The following FBN1 variants were observed in gnomAD, a reference collection of about 807,000 sequenced individuals.
The protein encoded by FBN1 is fibrillin 1, also known as fibrillin-1.
FBN1 carries 29 observed loss-of-function variants against 365.1 expected under a neutral mutation model. The ratio of observed to expected loss-of-function variants is 0.08; its 90% CI spans 0.06 to 0.11. FBN1 has a LOEUF of 0.11. FBN1 is among the 10% of genes least tolerant of loss of function. The pLI is 1.00. For synonymous variants in FBN1, 1,210 were observed against 1,270.5 expected (o/e 0.95, Z 1.01); for missense variants, 2,476 against 3,703.2 (o/e 0.67, Z 8.60).
chr15:48,484,855 G>T (rs2043492773), intron 30 of FBN1, among the ~76,000 whole-genome samples: 1 of 152,116 alleles, frequency 6.6e-6, no homozygotes, highest in South Asian at 2.1e-4. Flanking sequence ...TCGCAGCCAG[G>T]GTGATACAAA....
intron 11 of FBN1, among the ~76,000 whole-genome samples, chr15:48,515,746 T>C (rs1415988747): frequency 3.9e-5 from 6 of 152,182 alleles, no homozygotes; most frequent in Middle Eastern, 3.2e-3. Flanking sequence ...GCAGCCTGCT[T>C]TTCTCTGCCC....
At chr15:48,446,139 A>G (rs2043156742) in intron 47 of FBN1, among the ~76,000 whole-genome samples, 1 of 152,176 alleles carries the variant, frequency 6.6e-6, no homozygotes, top group Admixed American at 6.6e-5. Flanking sequence ...AGACATAAAA[A>G]TTATAGCTGC....
chr15:48,464,472 T>C (rs1166437336), intron 40 of FBN1, among the ~76,000 whole-genome samples: 1 of 152,060 alleles, frequency 6.6e-6, no homozygotes, highest in African/African-American at 2.4e-5. Context: ...GCCAAGATCA[T>C]GCCATTGCAC....
chr15:48,447,433 C>T (rs1367480514), intron 46 of FBN1, among the ~76,000 whole-genome samples: 1 of 152,184 alleles, frequency 6.6e-6, no homozygotes, highest in African/African-American at 2.4e-5. Context: ...TCTTTTCATA[C>T]ATGCTTGCAT....
intron 23 of FBN1, among the ~76,000 whole-genome samples, chr15:48,493,033 T>C (rs1049306201): frequency 6.6e-6 from 1 of 152,202 alleles, no homozygotes; most frequent in Non-Finnish European, 1.5e-5. Flanking sequence ...TGTGGGCCAG[T>C]GAAGGGTCTC....
rs3743289 is a variant in FBN1 at position 48,495,968 on chromosome 15, A to G, written c.2419+132T>C. On this transcript the variant is annotated intron_variant, in intron 20 of 65. Transcript: ENST00000316623. Reference sequence around the variant, plus strand: ...TACAAAGTACATACTAGTGCCATGTAGAACCACAGAATTTCAACTAAACTG... The same window carrying G: ...TACAAAGTACATACTAGTGCCATGTGGAACCACAGAATTTCAACTAAACTG... The G allele has an allele frequency of 7.3e-4, 857 of 1,174,124 alleles. 24 individuals carry two copies. In the East Asian group the frequency reaches 0.02, roughly 28 times the overall value. 72.7% of individuals were successfully genotyped at this position (1,174,124 alleles called of 1,614,324 possible). A position where few individuals can be genotyped will look rare whatever the true frequency, so the allele number is the denominator to read the frequency against.
chr15:48,467,761 G>A (rs1245498979), intron 38 of FBN1, among the ~76,000 whole-genome samples, 177 bp downstream of exon 38: 1 of 152,062 alleles, frequency 6.6e-6, no homozygotes, highest in Non-Finnish European at 1.5e-5. Context: ...TGATCTTTTA[G>A]TGTGAGCCAA....
At chr15:48,498,868 TG>T in intron 18 of FBN1, 116 bp downstream of exon 18, 1 of 979,178 alleles carries the variant, frequency 1.0e-6, no homozygotes, top group Non-Finnish European at 1.7e-6. Context: ...GGCACAGTGA[TG>T]GCCAGAGAGG....
intron 9 of FBN1, among the ~76,000 whole-genome samples, chr15:48,521,693 A>G (rs1405920757): frequency 6.6e-6 from 1 of 152,246 alleles, no homozygotes; most frequent in Non-Finnish European, 1.5e-5. Context: ...TTGAGATATT[A>G]CCACGAAACA....
At chr15:48,449,977 T>A (rs989602007) in intron 45 of FBN1, among the ~76,000 whole-genome samples, 2 of 152,238 alleles carry the variant, frequency 1.3e-5, no homozygotes, top group African/African-American at 4.8e-5. Flanking sequence ...ATTTAGTAGA[T>A]GAATCATCAT....
chr15:48,599,342 T>C lies in FBN1; in HGVS notation c.442+797A>G, dbSNP rs1181310632. 4.6e-5 allele frequency among the ~76,000 whole-genome samples: 7 copies of C among 152,156 alleles called. No homozygotes were observed. In the South Asian group the frequency reaches 1.4e-3, roughly 31 times the overall value. ...TTAAAATGTATTTTAAAATGTGTAA[T>C]GAGCATACTTTGAATAAAGTATTAA... is the stretch of plus-strand genomic sequence containing the variant. On this transcript the variant is annotated intron_variant, in intron 5 of 65. Coordinates refer to ENST00000316623, the MANE Select transcript of FBN1 (RefSeq NM_000138.5).
At chr15:48,420,864 T>C (rs1160903886) in intron 62 of FBN1, 58 bp from the exon 63 acceptor site, 2 of 1,604,692 alleles carry the variant, frequency 1.2e-6, no homozygotes, top group Non-Finnish European at 1.7e-6. Context: ...TGAAGCCAGA[T>C]GGATTCTAAT....
In FBN1 at chr15:48,516,174, A is replaced by C. The variant is rs2043798660; in HGVS notation, c.1327+9T>G. On this transcript the variant is annotated intron_variant, in intron 11 of 65. Transcript: ENST00000316623. ...AAGAAAAATAACTAGATGATTTTTG[A>C]ATTCTTACTTGGTGGCTCCCGAGAT... is the stretch of plus-strand genomic sequence containing the variant. 1 of 1,612,972 alleles carries C rather than the reference A, an allele frequency of 6.2e-7. No individual in the cohort carries two copies. The highest frequency in any genetic ancestry group is 8.5e-7 in the Non-Finnish European group (1 of 1,179,094).
At chr15:48,466,789 T>C (rs958146351) in intron 38 of FBN1, among the ~76,000 whole-genome samples, 1 of 152,138 alleles carries the variant, frequency 6.6e-6, no homozygotes, top group Non-Finnish European at 1.5e-5. Flanking sequence ...TCGACACCAA[T>C]GAAATGAAAA....
chr15:48,466,003 A>G (rs2043318710), intron 38 of FBN1, 145 bp from the exon 39 acceptor site: 2 of 701,040 alleles, frequency 2.9e-6, no homozygotes, highest in Non-Finnish European at 2.6e-6. Flanking sequence ...GAAGTAAGTT[A>G]ACACCTTTGT....
chr15:48,490,173 A>G, intron 24 of FBN1, 95 bp from the exon 25 acceptor site: 1 of 1,051,428 alleles, frequency 9.5e-7, no homozygotes, highest in South Asian at 1.3e-5. Flanking sequence ...TGCACACATA[A>G]TAATTTGCTG....
intron 49 of FBN1, among the ~76,000 whole-genome samples, chr15:48,443,365 C>G (rs968351540): frequency 5.9e-5 from 9 of 152,168 alleles, no homozygotes; most frequent in African/African-American, 1.7e-4. Context: ...TACATGCCAA[C>G]TTATTAGGAT....
intron 2 of FBN1, among the ~76,000 whole-genome samples, chr15:48,622,507 C>T (rs1182429284): frequency 6.6e-6 from 1 of 152,192 alleles, no homozygotes; most frequent in African/African-American, 2.4e-5. Context: ...AATCCCTTGT[C>T]CAAATCCTGG....
chr15:48,460,085 G>T (rs1359104316), intron 43 of FBN1, among the ~76,000 whole-genome samples, 161 bp downstream of exon 43: 2 of 152,188 alleles, frequency 1.3e-5, no homozygotes, highest in East Asian at 3.8e-4. Context: ...GCTGCACAGG[G>T]TGTTTGCACA....
Sources: allele counts gnomAD v4.1 joint callset (sites outside exome capture counted in the v4.1 genomes callset), GRCh38; gene constraint gnomAD v4.1.1; transcripts MANE v1.5; gene names NCBI Gene and HGNC (gene_info 2026-07-23, HGNC 2026-07-21).